Variants in CTDSPL2 observed in about 807,000 individuals in gnomAD.
CTDSPL2 encodes CTD small phosphatase-like protein 2.
Under a neutral mutation model 60.0 loss-of-function variants are expected in CTDSPL2, and 5 were observed. That is an observed-to-expected ratio of 0.08 (90% CI 0.04 to 0.18). The LOEUF (loss-of-function observed/expected upper bound fraction) is 0.18, where lower values mean the gene tolerates loss of function less well. Ranked by LOEUF, CTDSPL2 falls within the 10% of genes least tolerant of loss-of-function variation. CTDSPL2 has a pLI of 1.00. For synonymous variants in CTDSPL2, 186 were observed against 189.3 expected, an observed-to-expected ratio of 0.98 and a Z score of 0.14; for missense variants, 370 against 548.8, an observed-to-expected ratio of 0.67 and a Z score of 3.26.
rs141349344 is a variant in CTDSPL2 at position 44,491,630 on chromosome 15, G to A, written c.691+631G>A. On this transcript the variant is annotated intron_variant, in intron 5 of 12. Coordinates refer to ENST00000260327, the MANE Select transcript of CTDSPL2 (RefSeq NM_016396.3). Reference sequence around the variant, plus strand: ...AAAAGCAGAAATAAAACTGAAGAAGGCCATCTTCTTATTAGGGCATGGAGA... The same window carrying A: ...AAAAGCAGAAATAAAACTGAAGAAGACCATCTTCTTATTAGGGCATGGAGA... Among the ~76,000 whole-genome samples, 40 of 152,252 alleles carry A rather than the reference G, an allele frequency of 2.6e-4. No homozygotes were observed. The East Asian group carries it at 6.0e-3, about 23-fold the overall frequency.
intron 5 of CTDSPL2, among the ~76,000 whole-genome samples, chr15:44,494,617 G>T (rs537695314): frequency 2.7e-5 from 4 of 148,834 alleles, no homozygotes. Flanking sequence ...AAGGTTAAAA[G>T]AATAATTTCT....
intron 1 of CTDSPL2, chr15:44,428,016 G>A: frequency 4.0e-6 from 1 of 247,348 alleles, no homozygotes; most frequent in Non-Finnish European, 7.7e-6. Flanking sequence ...GTTGCGGCCT[G>A]CGTTGTGATT....
rs1321113284 is a variant in CTDSPL2, at chr15:44,496,381, A to G, written c.693A>G (p.Ala231=). ...TVNRDIPPLT[A]PVTPDSGYSS... Reference sequence around the variant, plus strand: ...TTTTTCTTTCACTATGTTAAATAGCACCAGTAACTCCAGATAGTGGTTATT... The same window carrying G: ...TTTTTCTTTCACTATGTTAAATAGCGCCAGTAACTCCAGATAGTGGTTATT... Residue 231 remains alanine, a splice_region_variant and synonymous_variant, in exon 6 of 13, where the codon GCA becomes GCG. Coordinates refer to ENST00000260327, the MANE Select transcript of CTDSPL2 (RefSeq NM_016396.3). 4 of 1,610,026 alleles carry G rather than the reference A, an allele frequency of 2.5e-6. No homozygotes were observed. The Admixed American group carries it at 6.7e-5, about 27-fold the overall frequency.
chr15:44,459,964 T>C (rs2080530637), intron 2 of CTDSPL2, among the ~76,000 whole-genome samples: 1 of 152,116 alleles, frequency 6.6e-6, no homozygotes, highest in Admixed American at 6.6e-5. Context: ...CTGGACCAAC[T>C]TGAGTGACCT....
At chr15:44,478,959 T>G (rs1233820672) in intron 2 of CTDSPL2, among the ~76,000 whole-genome samples, 7 of 152,012 alleles carry the variant, frequency 4.6e-5, no homozygotes, top group Non-Finnish European at 7.3e-5. Flanking sequence ...CTAGCCTGTC[T>G]CAAAAACAAA....
At chr15:44,475,437 G>A (rs545067108) in intron 2 of CTDSPL2, among the ~76,000 whole-genome samples, 1 of 152,240 alleles carries the variant, frequency 6.6e-6, no homozygotes, top group African/African-American at 2.4e-5. Context: ...TCAGGAGTTC[G>A]AAACCAGTCT....
chr15:44,488,579 G>T lies in CTDSPL2; in HGVS notation c.475+1879G>T, dbSNP rs563989054. Among the ~76,000 whole-genome samples the T allele has an allele frequency of 5.3e-5, 8 of 152,234 alleles. No homozygotes were observed. In the South Asian group the frequency reaches 1.7e-3, roughly 32 times the overall value. On this transcript the variant is annotated intron_variant, in intron 4 of 12. Transcript: ENST00000260327. Reference sequence around the variant, plus strand: ...TGTAATCCGAGCACTTTGGGAGGCCGAGATGGGCGGATCACTTGAGGTCAG... The same window carrying T: ...TGTAATCCGAGCACTTTGGGAGGCCTAGATGGGCGGATCACTTGAGGTCAG...
rs190525039 is a variant in CTDSPL2, at chr15:44,527,928, G to A, written c.*3754G>A. The stretch of plus-strand genomic sequence containing the variant: ...GTCTTCCCCTGAGTTGAAAGCCTAC[G>A]ACAAACATGTATAAAATACATTTAA... On this transcript the variant is annotated 3_prime_UTR_variant, in exon 13 of 13. Transcript: ENST00000260327. 16 of 152,092 alleles carry A rather than the reference G, an allele frequency of 1.1e-4. No individual in the cohort carries two copies. The East Asian group carries it at 2.1e-3, about 20-fold the overall frequency. 9.4% of individuals were successfully genotyped at this position (152,092 alleles called of 1,614,324 possible). A position where few individuals can be genotyped will look rare whatever the true frequency, so the allele number is the denominator to read the frequency against.
chr15:44,497,126 A>G lies in CTDSPL2; in HGVS notation c.870A>G (p.Leu290=). 6.3e-7 allele frequency: 1 copy of G among 1,588,368 alleles called. No homozygotes were observed. The highest frequency in any genetic ancestry group is 2.2e-5 in the East Asian group (1 of 44,622). ...CAAGAAGCACACCGGAATTCTCCCT[A>G]GTTTTAGACTTGGTAAGTATATTAT... The part of the protein sequence containing the change: ...LKTRSTPEFS[L]VLDLDETLVH... The change falls in exon 7 of 13, where the codon CTA becomes CTG. Residue 290 remains leucine (L), a synonymous_variant. Coordinates refer to ENST00000260327, the MANE Select transcript of CTDSPL2 (RefSeq NM_016396.3).
At chr15:44,449,415 GCCT>G (rs2080288870) in intron 1 of CTDSPL2, 1 of 152,584 alleles carries the variant, frequency 6.6e-6, no homozygotes, top group African/African-American at 2.4e-5. Flanking sequence ...TTGCCTCCCT[GCCT>G]CCCGGGTTCA....
At chr15:44,466,101 A>AT (rs1018754258) in intron 2 of CTDSPL2, among the ~76,000 whole-genome samples, 1 of 151,688 alleles carries the variant, frequency 6.6e-6, no homozygotes, top group Non-Finnish European at 1.5e-5. Context: ...TGCCTGGCTA[A>AT]TTTTTTTATA....
At chr15:44,518,723 T>G (rs1012107190) in intron 10 of CTDSPL2, 2 of 152,502 alleles carry the variant, frequency 1.3e-5, no homozygotes, top group African/African-American at 4.8e-5. Context: ...TGGGTTCCAA[T>G]GCGGGGCTAA....
intron 1 of CTDSPL2, among the ~76,000 whole-genome samples, chr15:44,454,888 T>TAA: frequency 6.6e-6 from 1 of 152,222 alleles, no homozygotes. Context: ...TCTTTTGGCT[T>TAA]AGGATTGTCT....
At chr15:44,478,274 C>T (rs914610461) in intron 2 of CTDSPL2, among the ~76,000 whole-genome samples, 12 of 151,196 alleles carry the variant, frequency 7.9e-5, no homozygotes, top group Middle Eastern at 3.4e-3. Context: ...ATGGTGAAAC[C>T]GTCTCTACTA....
chr15:44,457,609 G>A (rs1043606060), intron 1 of CTDSPL2, among the ~76,000 whole-genome samples: 10 of 151,438 alleles, frequency 6.6e-5, no homozygotes, highest in African/African-American at 2.2e-4. Context: ...TGGGGGGGGT[G>A]GTGCGGGGTG....
intron 2 of CTDSPL2, among the ~76,000 whole-genome samples, chr15:44,479,865 CT>C (rs1209680599): frequency 6.6e-6 from 1 of 152,190 alleles, no homozygotes; most frequent in African/African-American, 2.4e-5. Context: ...TCTATACTTT[CT>C]TGCTCATTTT....
intron 2 of CTDSPL2, among the ~76,000 whole-genome samples, chr15:44,462,227 C>T (rs2080585929): frequency 2.6e-5 from 4 of 152,202 alleles, no homozygotes; most frequent in Non-Finnish European, 5.9e-5. Context: ...CTGAGCCTGG[C>T]TGAATTGTTT....
chr15:44,433,319 C>G (rs1476694888), intron 1 of CTDSPL2, among the ~76,000 whole-genome samples: 1 of 145,194 alleles, frequency 6.9e-6, no homozygotes, highest in South Asian at 2.2e-4. Flanking sequence ...AGAGCAAGAC[C>G]CTGTCTCAAA....
chr15:44,501,171 G>GT lies in CTDSPL2; in HGVS notation c.969+1364dup, dbSNP rs3837717. Among the ~76,000 whole-genome samples the GT allele has an allele frequency of 4.0e-5, 6 of 151,720 alleles. No individual in the cohort carries two copies. In the East Asian group the frequency reaches 5.8e-4, roughly 15 times the overall value. ...GATAACCTTGTTGGGGTTTTTCTTT[G>GT]TTTTTTGCTTTTGGGTGTTTTTCGT... On this transcript the variant is annotated intron_variant, in intron 8 of 12. Transcript: ENST00000260327.
Sources: allele counts gnomAD v4.1 joint callset (sites outside exome capture counted in the v4.1 genomes callset), GRCh38; gene constraint gnomAD v4.1.1; transcripts MANE v1.5; gene names NCBI Gene and HGNC (gene_info 2026-07-23, HGNC 2026-07-21).